ZBTB46: variants seen among roughly 807,000 people sequenced by gnomAD.
ZBTB46 encodes the protein zinc finger and BTB domain containing 46.
In ZBTB46, 8 loss-of-function variants were observed where a neutral mutation model predicts 44.1. That is an observed-to-expected ratio of 0.18 (90% CI 0.11 to 0.33). ZBTB46 has a LOEUF of 0.33. Ranked by LOEUF, ZBTB46 falls within the 10% of genes least tolerant of loss-of-function variation. The pLI is 1.00. For missense variants in ZBTB46, 651 were observed against 847.7 expected (o/e 0.77, Z 2.88); for synonymous variants, 409 against 382.3 (o/e 1.07, Z -0.81).
Position 63,771,083 on chromosome 20 carries a change from C to T in ZBTB46, c.1222+4595G>A, listed in dbSNP as rs144353406. ...CGCTCGAACCACAGCAGGGGCTACT[C>T]GCCCTCCCAGGCCCTCTTCAGAGCT... is the stretch of plus-strand genomic sequence containing the variant. On this transcript the variant is annotated intron_variant, in intron 3 of 4. Transcript: ENST00000245663. Among the ~76,000 whole-genome samples, 9 of 101,504 alleles carry T rather than the reference C, an allele frequency of 8.9e-5. No individual in the cohort carries two copies. In the East Asian group the frequency reaches 9.0e-4, roughly 10 times the overall value. The allele number at this position is 101,504 out of a possible 152,430, so 66.6% of individuals were successfully genotyped here.
At chr20:63,760,535 G>C (rs767777239) in intron 3 of ZBTB46, among the ~76,000 whole-genome samples, 2 of 150,654 alleles carry the variant, frequency 1.3e-5, no homozygotes, top group Admixed American at 1.3e-4. Context: ...GCACAATCTC[G>C]ATTCACTGCA....
At chr20:63,769,602 T>G (rs2145835069) in intron 3 of ZBTB46, among the ~76,000 whole-genome samples, 1 of 152,264 alleles carries the variant, frequency 6.6e-6, no homozygotes, top group East Asian at 1.9e-4. Context: ...GTGTGTCTCT[T>G]TCCTAGGAGC....
intron 1 of ZBTB46, among the ~76,000 whole-genome samples, chr20:63,796,194 C>G (rs1601489997): frequency 6.6e-6 from 1 of 152,242 alleles, no homozygotes; most frequent in Non-Finnish European, 1.5e-5. Context: ...GCCCGGAAGG[C>G]TGTTTGTTCT....
chr20:63,790,314 G>A lies in ZBTB46; in HGVS notation c.444C>T (p.Ala148=). The stretch of plus-strand genomic sequence containing the variant: ...GAGCTTCCGTGCTGCTGCTGGACGA[G>A]GCGCCGATCTCGAACTCCGCAAGCT... The part of the protein sequence containing the change: ...SDELAEFEIG[A]SSSSSTEALI... Residue 148 remains alanine (A), a synonymous_variant, in exon 2 of 5, where the codon GCC becomes GCT. Transcript: ENST00000245663. The A allele has an allele frequency of 1.2e-6, 2 of 1,613,084 alleles. No individual in the cohort carries two copies. Among genetic ancestry groups the A allele is most frequent in the Non-Finnish European group, 1.7e-6 (2 of 1,179,980 alleles).
chr20:63,794,010 C>A (rs2092581671), intron 1 of ZBTB46, among the ~76,000 whole-genome samples: 1 of 151,954 alleles, frequency 6.6e-6, no homozygotes, highest in African/African-American at 2.4e-5. Flanking sequence ...CACGGTGAAA[C>A]CCCGTCTCTA....
intron 1 of ZBTB46, among the ~76,000 whole-genome samples, chr20:63,794,185 G>A (rs1252510153): frequency 3.0e-5 from 4 of 133,498 alleles, no homozygotes; most frequent in Admixed American, 7.5e-5. Flanking sequence ...GCAAGACTCC[G>A]TCTCAAAAAA....
upstream of ZBTB46, among the ~76,000 whole-genome samples, chr20:63,833,638 G>A (rs1184690017): frequency 6.6e-6 from 1 of 152,104 alleles, no homozygotes; most frequent in African/African-American, 2.4e-5. Flanking sequence ...TGAACGGGGC[G>A]GATGAGGCTC....
intron 3 of ZBTB46, among the ~76,000 whole-genome samples, chr20:63,763,647 C>A (rs914172104): frequency 1.3e-5 from 2 of 152,168 alleles, no homozygotes; most frequent in Non-Finnish European, 2.9e-5. Context: ...CCAGGCACCA[C>A]GTCCAGTATT....
At position 63,767,100 on chromosome 20, in the gene ZBTB46, G is replaced by A. The variant is rs540429709; in HGVS notation, c.1222+8578C>T. On this transcript the variant is annotated intron_variant, in intron 3 of 4. Coordinates refer to ENST00000245663, the MANE Select transcript of ZBTB46 (RefSeq NM_001369741.1). The surrounding 1 kb of genome is among the most constrained non-coding windows in gnomAD (Gnocchi z 5.0). ...AAGGGCACCGCGGGGCGCTCTTTCT[G>A]AAAAGCAGCACATTCCCGTAATTCC... 2.6e-5 allele frequency among the ~76,000 whole-genome samples: 4 copies of A among 152,372 alleles called. No homozygotes were observed. In the East Asian group the frequency reaches 7.7e-4, roughly 29 times the overall value.
chr20:63,797,286 A>G (rs1601492269), intron 1 of ZBTB46, among the ~76,000 whole-genome samples: 1 of 151,834 alleles, frequency 6.6e-6, no homozygotes, highest in Non-Finnish European at 1.5e-5. Flanking sequence ...GTTTGCTCAG[A>G]ATGATGGTTT....
At chr20:63,805,219 T>C (rs2092673878) in intron 1 of ZBTB46, among the ~76,000 whole-genome samples, 2 of 152,124 alleles carry the variant, frequency 1.3e-5, no homozygotes, top group Non-Finnish European at 2.9e-5. Flanking sequence ...ACGCCCGACC[T>C]ACAGTACCTT....
intron 2 of ZBTB46, among the ~76,000 whole-genome samples, chr20:63,788,699 C>T (rs1180951961): frequency 2.6e-5 from 4 of 151,936 alleles, no homozygotes; most frequent in Non-Finnish European, 4.4e-5. Flanking sequence ...ATTATCTGGG[C>T]GTGGTGGCAC....
chr20:63,800,073 A>G (rs2092631851), intron 1 of ZBTB46, among the ~76,000 whole-genome samples: 1 of 152,158 alleles, frequency 6.6e-6, no homozygotes. Context: ...GCAGGTAAAC[A>G]CGGGATGCTT....
At chr20:63,769,104 T>C in intron 3 of ZBTB46, 2 of 760,486 alleles carry the variant, frequency 2.6e-6, no homozygotes, top group East Asian at 1.3e-4. Context: ...GGAGGGCACA[T>C]GGAGAGCAGG....
intron 1 of ZBTB46, among the ~76,000 whole-genome samples, chr20:63,822,644 C>T: frequency 6.6e-6 from 1 of 152,094 alleles, no homozygotes; most frequent in East Asian, 1.9e-4. Context: ...CAGCACTGAC[C>T]ACACGGCGAG....
chr20:63,818,882 A>AC (rs1421899396), intron 1 of ZBTB46, among the ~76,000 whole-genome samples: 1 of 149,896 alleles, frequency 6.7e-6, no homozygotes, highest in East Asian at 2.0e-4. Context: ...AAAAAAAAAA[A>AC]AAAAAAAGAA....
At chr20:63,797,915 G>C (rs1173282118) in intron 1 of ZBTB46, among the ~76,000 whole-genome samples, 2 of 152,146 alleles carry the variant, frequency 1.3e-5, no homozygotes, top group Non-Finnish European at 2.9e-5. Flanking sequence ...CCTTTGTCAT[G>C]AGTAGATTGC....
chr20:63,775,369 G>C (rs1336347651), intron 3 of ZBTB46: 5 of 294,164 alleles, frequency 1.7e-5, no homozygotes, highest in Non-Finnish European at 2.5e-5. Flanking sequence ...GCCCCTGCGC[G>C]ACCCGGACGA....
intron 1 of ZBTB46, among the ~76,000 whole-genome samples, chr20:63,809,005 A>AG (rs1568895177): frequency 7.0e-6 from 1 of 143,370 alleles, no homozygotes; most frequent in African/African-American, 2.8e-5. Context: ...AAAAAGAAAA[A>AG]GAAAAAAAAA....
Sources: allele counts gnomAD v4.1 joint callset (sites outside exome capture counted in the v4.1 genomes callset), GRCh38; gene constraint gnomAD v4.1.1; non-coding constraint Gnocchi (gnomAD v3.1); transcripts MANE v1.5; gene names NCBI Gene and HGNC (gene_info 2026-07-23, HGNC 2026-07-21).